The following TTC23L variants were observed in gnomAD, a reference collection of about 807,000 sequenced individuals.
TTC23L encodes the protein tetratricopeptide repeat protein 23-like.
In TTC23L, 42 loss-of-function variants were observed where a neutral mutation model predicts 48.1. That is an observed-to-expected ratio of 0.87 (90% CI 0.68 to 1.13). The LOEUF (loss-of-function observed/expected upper bound fraction) is 1.13, where lower values mean the gene tolerates loss of function less well. Ranked by LOEUF, TTC23L falls within the 50% of genes most tolerant of loss-of-function variation. TTC23L has a pLI of 0.00. For missense variants in TTC23L, 391 were observed against 421.0 expected (o/e 0.93, Z 0.62); for synonymous variants, 159 against 157.2 (o/e 1.01, Z -0.09).
chr5:34,867,224 G>A (rs1561139052), intron 7 of TTC23L, 155 bp downstream of exon 7: 1 of 787,102 alleles, frequency 1.3e-6, no homozygotes, highest in Non-Finnish European at 2.1e-6. Context: ...AAGAGCCCTT[G>A]ATCAAACCTT....
intron 4 of TTC23L, among the ~76,000 whole-genome samples, chr5:34,861,844 C>T (rs1760687989): frequency 6.6e-6 from 1 of 152,132 alleles, no homozygotes; most frequent in African/African-American, 2.4e-5. Context: ...AGAGAGAGGG[C>T]TGAAAGTGAA....
intron 10 of TTC23L, among the ~76,000 whole-genome samples, chr5:34,898,335 T>C (rs1175057387): frequency 6.6e-6 from 1 of 152,184 alleles, no homozygotes; most frequent in East Asian, 1.9e-4. Context: ...TATAGACTTA[T>C]CAGGTTCTGG....
the TTC23L span, chr5:34,919,766 C>A: frequency 2.0e-6 from 1 of 492,490 alleles, no homozygotes; most frequent in Non-Finnish European, 3.7e-6. Flanking sequence ...TTCTGGATAG[C>A]ATATGTGGTT....
intron 10 of TTC23L, among the ~76,000 whole-genome samples, chr5:34,899,137 G>A (rs1390894869): frequency 6.6e-6 from 1 of 152,178 alleles, no homozygotes; most frequent in Non-Finnish European, 1.5e-5. Flanking sequence ...TCTGAATCAA[G>A]GGAAGAGCTC....
chr5:34,912,296 G>A, the TTC23L span, among the ~76,000 whole-genome samples: 1 of 152,214 alleles, frequency 6.6e-6, no homozygotes, highest in East Asian at 1.9e-4. Context: ...ATATTTCCTC[G>A]AATTTAAAAA....
intron 4 of TTC23L, among the ~76,000 whole-genome samples, chr5:34,857,324 G>A (rs915663857): frequency 6.6e-6 from 1 of 152,310 alleles, no homozygotes; most frequent in African/African-American, 2.4e-5. Flanking sequence ...TAATGAAACA[G>A]TACTTTAGTC....
intron 9 of TTC23L, among the ~76,000 whole-genome samples, chr5:34,886,997 G>C (rs184229934): frequency 6.6e-6 from 1 of 152,240 alleles, no homozygotes; most frequent in East Asian, 1.9e-4. Context: ...GAATCTAAAG[G>C]CTTAGTAAAA....
chr5:34,898,917 C>T (rs1763395847), intron 10 of TTC23L, among the ~76,000 whole-genome samples: 1 of 152,186 alleles, frequency 6.6e-6, no homozygotes, highest in Non-Finnish European at 1.5e-5. Context: ...TCCTGCTCAG[C>T]TCCTTCAGTA....
the TTC23L span, chr5:34,915,708 A>G: frequency 1.9e-6 from 3 of 1,573,264 alleles, no homozygotes; most frequent in Non-Finnish European, 2.6e-6. Context: ...AGCGCCGGAA[A>G]GGAGGCCAAG....
chr5:34,914,973 AG>A, the TTC23L span: 6 of 1,492,886 alleles, frequency 4.0e-6, no homozygotes, highest in Admixed American at 1.1e-4. Flanking sequence ...TGAAGGGATT[AG>A]ACAGTAAAAC....
intron 9 of TTC23L, among the ~76,000 whole-genome samples, chr5:34,882,434 G>A (rs1161944685): frequency 6.6e-6 from 1 of 152,166 alleles, no homozygotes; most frequent in African/African-American, 2.4e-5. Flanking sequence ...CTCACTGCCT[G>A]AAACACTAAC....
intron 9 of TTC23L, 61 bp from the exon 10 acceptor site, chr5:34,896,707 GAC>G (rs1475193670): frequency 1.3e-6 from 1 of 751,890 alleles, no homozygotes; most frequent in East Asian, 2.5e-5. Flanking sequence ...TGAAAGGAGA[GAC>G]AATCTATGAG....
intron 9 of TTC23L, among the ~76,000 whole-genome samples, chr5:34,886,910 T>C (rs1319832385): frequency 6.6e-6 from 1 of 152,192 alleles, no homozygotes; most frequent in Non-Finnish European, 1.5e-5. Context: ...CAAGTACTCA[T>C]TTCCCTTCCA....
intron 4 of TTC23L, among the ~76,000 whole-genome samples, chr5:34,856,171 T>C (rs1760117321): frequency 6.6e-6 from 1 of 152,186 alleles, no homozygotes; most frequent in African/African-American, 2.4e-5. Context: ...AGTCCAGTTT[T>C]TGATGTATAG....
intron 9 of TTC23L, among the ~76,000 whole-genome samples, chr5:34,894,378 A>G (rs767765850): frequency 3.3e-5 from 5 of 152,308 alleles, no homozygotes; most frequent in Non-Finnish European, 7.4e-5. Context: ...GTGTCATGGA[A>G]GAATATTCCC....
chr5:34,870,309 A>T (rs1174837304), intron 8 of TTC23L, among the ~76,000 whole-genome samples: 1 of 152,158 alleles, frequency 6.6e-6, no homozygotes, highest in Admixed American at 6.5e-5. Context: ...GCACACAAAG[A>T]CATACCATAA....
At chr5:34,856,070 C>T (rs1328634950) in intron 4 of TTC23L, among the ~76,000 whole-genome samples, 1 of 151,994 alleles carries the variant, frequency 6.6e-6, no homozygotes, top group Non-Finnish European at 1.5e-5. Flanking sequence ...ACAGTGAGGC[C>T]CAAAGATGAC....
At chr5:34,889,485 C>A (rs540807026) in intron 9 of TTC23L, among the ~76,000 whole-genome samples, 1 of 152,238 alleles carries the variant, frequency 6.6e-6, no homozygotes, top group East Asian at 1.9e-4. Flanking sequence ...GAAGATCATG[C>A]CATGGAGAAT....
At chr5:34,841,637 CCTCCTGAGTAGCTGGGA>C (rs1216727031) in intron 2 of TTC23L, among the ~76,000 whole-genome samples, 7 of 152,214 alleles carry the variant, frequency 4.6e-5, no homozygotes, top group African/African-American at 1.7e-4. Context: ...CCCACCTCAG[CCTCCTGAGTAGCTGGGA>C]CTACAGGCAC....
Sources: gnomAD v4.1 joint callset for allele counts (sites outside exome capture counted in the v4.1 genomes callset) on GRCh38, gnomAD v4.1.1 for gene constraint, MANE v1.5 for transcripts, NCBI Gene and HGNC (gene_info 2026-07-23, HGNC 2026-07-21) for gene names.